KYNU: variants seen among roughly 807,000 people sequenced by gnomAD.
KYNU encodes L-kynurenine hydrolase.
A neutral mutation model predicts 59.2 loss-of-function variants in KYNU; 54 were observed. The observed-to-expected ratio is 0.91, with a 90% confidence interval of 0.73 to 1.14. KYNU has a LOEUF of 1.14. KYNU is among the 50% of genes most tolerant of loss of function. The pLI, the probability that KYNU is intolerant of heterozygous loss-of-function variation, is 0.00. For synonymous variants in KYNU, 177 were observed against 192.0 expected (o/e 0.92, Z 0.65); for missense variants, 567 against 554.4 (o/e 1.02, Z -0.23).
chr2:142,934,536 AG>A (rs1258918866), intron 4 of KYNU, among the ~76,000 whole-genome samples: 1 of 152,030 alleles, frequency 6.6e-6, no homozygotes, highest in Non-Finnish European at 1.5e-5. Flanking sequence ...AGAAAAGTGG[AG>A]GGGTGGCTTG....
chr2:143,035,000 C>G lies in KYNU; in HGVS notation c.1041+1679C>G, dbSNP rs569861822. Among the ~76,000 whole-genome samples the G allele has an allele frequency of 5.3e-5, 8 of 152,328 alleles. No homozygotes were observed. In the South Asian group the frequency reaches 1.7e-3, roughly 32 times the overall value. On this transcript the variant is annotated intron_variant, in intron 12 of 13. Coordinates refer to ENST00000264170, the MANE Select transcript of KYNU (RefSeq NM_003937.3). ...CTTTTCTAGTAGTATTCACCCTTCT[C>G]TTGTGGGAAAGGAAGCACATTCCTA...
intron 8 of KYNU, among the ~76,000 whole-genome samples, chr2:142,965,244 A>G (rs1445665617): frequency 6.6e-6 from 1 of 152,174 alleles, no homozygotes; most frequent in Non-Finnish European, 1.5e-5. Context: ...CTGTATCATC[A>G]TGTCACCATC....
intron 8 of KYNU, among the ~76,000 whole-genome samples, chr2:142,968,841 A>G (rs1684625540): frequency 6.6e-6 from 1 of 152,052 alleles, no homozygotes; most frequent in Admixed American, 6.6e-5. Flanking sequence ...TGAGCTCAGG[A>G]GGTGGAGGCT....
intron 4 of KYNU, among the ~76,000 whole-genome samples, chr2:142,952,318 C>T (rs184018395): frequency 2.5e-4 from 38 of 152,252 alleles, no homozygotes; most frequent in African/African-American, 8.4e-4. Context: ...TCAAACCATC[C>T]ACCTATCTTG....
intron 2 of KYNU, among the ~76,000 whole-genome samples, chr2:142,900,852 C>T (rs746223728): frequency 8.5e-5 from 13 of 152,078 alleles, no homozygotes; most frequent in Non-Finnish European, 1.3e-4. Context: ...CAGGCTGGTC[C>T]GGGTCTGCAG....
At chr2:142,989,433 T>C in intron 10 of KYNU, 4 of 985,118 alleles carry the variant, frequency 4.1e-6, no homozygotes, top group African/African-American at 1.7e-5. Flanking sequence ...GTGGAACAAA[T>C]GTAACTGCTA....
intron 2 of KYNU, among the ~76,000 whole-genome samples, chr2:142,904,124 A>G (rs1682203157): frequency 6.6e-6 from 1 of 152,200 alleles, no homozygotes; most frequent in Non-Finnish European, 1.5e-5. Context: ...GATAAACTTA[A>G]CCTTTAAGAT....
intron 4 of KYNU, among the ~76,000 whole-genome samples, chr2:142,935,517 G>T (rs770597255): frequency 6.6e-6 from 1 of 152,302 alleles, no homozygotes; most frequent in East Asian, 1.9e-4. Context: ...TTAGTCTTCT[G>T]GGGTGAGGGT....
At chr2:142,992,725 C>T (rs1685437668) in intron 10 of KYNU, among the ~76,000 whole-genome samples, 1 of 151,948 alleles carries the variant, frequency 6.6e-6, no homozygotes, top group Non-Finnish European at 1.5e-5. Context: ...GTAATCTTCA[C>T]TTTCTCATGT....
chr2:142,966,779 A>C (rs1684554121), intron 8 of KYNU, among the ~76,000 whole-genome samples: 1 of 152,174 alleles, frequency 6.6e-6, no homozygotes, highest in African/African-American at 2.4e-5. Flanking sequence ...AAAGGTATAC[A>C]TTTTAAAAAT....
At chr2:142,976,657 T>G (rs1392139321) in intron 8 of KYNU, among the ~76,000 whole-genome samples, 1 of 152,184 alleles carries the variant, frequency 6.6e-6, no homozygotes, top group Admixed American at 6.5e-5. Flanking sequence ...GGTTGTGAAC[T>G]CAAAAGTATC....
intron 1 of KYNU, among the ~76,000 whole-genome samples, chr2:142,882,748 G>T (rs903622564): frequency 6.6e-6 from 1 of 152,156 alleles, no homozygotes; most frequent in Non-Finnish European, 1.5e-5. Flanking sequence ...ATTTGGGTTG[G>T]TTCCAAGTGT....
intron 2 of KYNU, among the ~76,000 whole-genome samples, chr2:142,888,323 TGGC>T (rs1366334155): frequency 2.6e-5 from 4 of 152,128 alleles, no homozygotes; most frequent in African/African-American, 7.2e-5. Context: ...TTAGGCGTGA[TGGC>T]ATGTGCTTTT....
In KYNU at chr2:143,051,400, T is replaced by C. The variant is rs1687263532; in HGVS notation, c.*9228T>C. The stretch of plus-strand genomic sequence containing the variant: ...GGAAGAGTGCTCATTTTAATTGAGC[T>C]GATCATGTTTCTAGGATTTTTTAGT... On this transcript the variant is annotated 3_prime_UTR_variant, in exon 14 of 14. Transcript: ENST00000264170. The C allele has an allele frequency of 6.6e-6, 1 of 152,172 alleles. No homozygotes were observed. The highest frequency in any genetic ancestry group is 2.1e-4 in the South Asian group (1 of 4,834). The allele number at this position is 152,172 out of a possible 1,614,324, so 9.4% of individuals were successfully genotyped here.
chr2:143,041,383 C>G (rs1282521435), intron 13 of KYNU, among the ~76,000 whole-genome samples: 1 of 152,086 alleles, frequency 6.6e-6, no homozygotes, highest in Non-Finnish European at 1.5e-5. Flanking sequence ...TCGTCAAACT[C>G]TGTCCTCTTT....
intron 10 of KYNU, among the ~76,000 whole-genome samples, chr2:143,017,434 CTTTTTTTT>C (rs1184177776): frequency 1.3e-4 from 9 of 68,450 alleles, no homozygotes; most frequent in Non-Finnish European, 7.8e-5. Context: ...TCTCTTTTTT[CTTTTTTTT>C]TTTTTTTTTT....
At position 143,052,890 on chromosome 2, in the gene KYNU, A is replaced by G. The variant is rs56716593; in HGVS notation, c.*10718A>G. On this transcript the variant is annotated 3_prime_UTR_variant, in exon 14 of 14. Coordinates refer to ENST00000264170, the MANE Select transcript of KYNU (RefSeq NM_003937.3). Reference sequence around the variant, plus strand: ...GGGCCACTGTCCTCCAGAACTCAGGATGGTAAATCCACCACGCACCTGGAA... The same window carrying G: ...GGGCCACTGTCCTCCAGAACTCAGGGTGGTAAATCCACCACGCACCTGGAA... The G allele has an allele frequency of 0.16, 23,926 of 152,196 alleles. 1,965 individuals are homozygous for G. Among genetic ancestry groups the G allele is most frequent in the East Asian group, 0.27 (1,387 of 5,154 alleles). The allele number at this position is 152,196 out of a possible 1,614,324, so 9.4% of individuals were successfully genotyped here.
intron 2 of KYNU, among the ~76,000 whole-genome samples, chr2:142,899,868 G>A (rs1309502346): frequency 6.6e-6 from 1 of 152,126 alleles, no homozygotes; most frequent in Non-Finnish European, 1.5e-5. Flanking sequence ...GAAAAGGCCT[G>A]GTCCAGTAAA....
chr2:142,949,706 G>A (rs563335042), intron 4 of KYNU, among the ~76,000 whole-genome samples: 18 of 152,354 alleles, frequency 1.2e-4, no homozygotes, highest in Middle Eastern at 6.8e-3. Flanking sequence ...CTTGTGATGG[G>A]AGGAGCTGCC....
Sources: gnomAD v4.1 joint callset for allele counts (sites outside exome capture counted in the v4.1 genomes callset) on GRCh38, gnomAD v4.1.1 for gene constraint, MANE v1.5 for transcripts, NCBI Gene and HGNC (gene_info 2026-07-23, HGNC 2026-07-21) for gene names.